Variants in CARNS1 observed in about 807,000 individuals in gnomAD.
CARNS1 encodes the protein ATP-grasp domain containing 1.
Under a neutral mutation model 74.0 loss-of-function variants are expected in CARNS1, and 61 were observed. The ratio of observed to expected loss-of-function variants is 0.82; its 90% confidence interval spans 0.67 to 1.02. The LOEUF is 1.02. CARNS1 is among the 50% of genes least tolerant of loss of function. The pLI is 0.00. For missense variants in CARNS1, 1,278 were observed against 1,308.4 expected, an observed-to-expected ratio of 0.98 and a Z score of 0.36; for synonymous variants, 568 against 605.5, an observed-to-expected ratio of 0.94 and a Z score of 0.91.
Position 67,418,803 on chromosome 11 carries a change from G to A in CARNS1, c.412G>A (p.Ala138Thr). Reference protein sequence around the residue: ...LSPAWLMKVPAPGQPGEAALL... With the variant: ...LSPAWLMKVPTPGQPGEAALL... ...CCCTGCTTGGCTGATGAAGGTGCCA[G>A]CACCCGGGCAGCCGGGTGAGGCAGC... The change falls in exon 5 of 10, where the codon GCA becomes ACA. Residue 138 changes from alanine (A) to threonine (T), a missense_variant. Around this residue, in one of 3 missense-constraint regions of CARNS1, gnomAD observed 1,164 missense variants for 1,156.5 expected, o/e 1.01. Coordinates refer to ENST00000687366, the MANE Select transcript of CARNS1 (RefSeq NM_001166222.2). 6.2e-7 allele frequency: 1 copy of A among 1,600,184 alleles called. No homozygotes were observed. Among genetic ancestry groups the A allele is most frequent in the East Asian group, 2.3e-5 (1 of 44,136 alleles).
rs894929234 is a variant in CARNS1 at position 67,423,267 on chromosome 11, G to C, written c.1627-108G>C. 3 of 1,074,110 alleles carry C rather than the reference G, an allele frequency of 2.8e-6. No individual in the cohort carries two copies. Among genetic ancestry groups the C allele is most frequent in the African/African-American group, 3.2e-5 (2 of 62,984 alleles). 66.5% of individuals were successfully genotyped at this position (1,074,110 alleles called of 1,614,324 possible). On this transcript the variant is annotated intron_variant, in intron 9 of 9. Coordinates refer to ENST00000687366, the MANE Select transcript of CARNS1 (RefSeq NM_001166222.2). This position sits in a 1 kb window ranked among gnomAD's most constrained non-coding sequence, Gnocchi z 5.1. ...ACAACACACATTTATTGAGCACCTA[G>C]TGTTTGTGTACTCGTATCCCCTGAA...
Position 67,425,486 on chromosome 11 carries a change from AG to A in CARNS1, c.*886del. ...CACCTAACTAGCATTGGCAGAGGAG[AG>A]TCTACACTCTCTTCCTCATTCAGGG... On this transcript the variant is annotated 3_prime_UTR_variant, in exon 10 of 10. Transcript: ENST00000687366. The A allele has an allele frequency of 3.8e-5, 7 of 186,230 alleles. No homozygotes were observed. The highest frequency in any genetic ancestry group is 6.8e-5 in the Non-Finnish European group (6 of 87,820). The allele number at this position is 186,230 out of a possible 1,614,324, so 11.5% of individuals were successfully genotyped here. A position where few individuals can be genotyped will look rare whatever the true frequency, so the allele number is the denominator to read the frequency against.
Position 67,424,359 on chromosome 11 carries a change from C to T in CARNS1, c.2611C>T (p.Gln871Ter). The T allele has an allele frequency of 3.7e-6, 6 of 1,603,160 alleles. No homozygotes were observed. The highest frequency in any genetic ancestry group is 5.1e-6 in the Non-Finnish European group (6 of 1,175,210). Residue 871 changes from glutamine to a stop codon, truncating the protein, a stop_gained, in exon 10 of 10, where the codon CAG (glutamine) becomes TAG (stop). Transcript: ENST00000687366. LOFTEE classifies it high-confidence loss of function. ...CATGTGCCTTGTGTCCCAGCACCTG[C>T]AGGCCCTGAGTTCCACCGCCAGCCG... ...GVMCLVSQHLQALSSTASRET... is the reference protein window; with the variant it reads ...GVMCLVSQHL
rs780813832 is a variant in CARNS1 at position 67,419,103 on chromosome 11, C to T, written c.712C>T (p.Pro238Ser). 1.1e-5 allele frequency: 17 copies of T among 1,569,778 alleles called. No homozygotes were observed. In the Admixed American group the frequency reaches 3.0e-4, roughly 27 times the overall value. ...AGCAACCCTGGCTTTCACCTACAAG[C>T]CGCCGGGGCTGCTGCGGGGAGGGGA... ...VPATLAFTYKPPGLLRGGDAS... is the reference protein window; with the variant it reads ...VPATLAFTYKSPGLLRGGDAS... The change falls in exon 5 of 10, where the codon CCG (proline) becomes TCG (serine). Residue 238 changes from proline (P) to serine (S), a missense_variant. Coordinates refer to ENST00000687366, the MANE Select transcript of CARNS1 (RefSeq NM_001166222.2).
chr11:67,419,438 C>T (rs1863635027), intron 5 of CARNS1, 49 bp from the exon 6 acceptor site: 1 of 1,590,706 alleles, frequency 6.3e-7, no homozygotes, highest in Non-Finnish European at 8.6e-7. Flanking sequence ...CCCCACCCTG[C>T]AGTACCTGGG....
At chr11:67,418,375 G>A in intron 3 of CARNS1, 56 bp from the exon 4 acceptor site, 1 of 1,297,280 alleles carries the variant, frequency 7.7e-7, no homozygotes, top group Non-Finnish European at 1.0e-6. Context: ...GTGGAAGGTG[G>A]GCAGAGAGAC....
chr11:67,421,289 G>A, intron 9 of CARNS1, 70 bp downstream of exon 9: 1 of 1,356,160 alleles, frequency 7.4e-7, no homozygotes. Flanking sequence ...ACCCCGGGGC[G>A]GGGCCTGGAG....
chr11:67,424,469 G>A lies in CARNS1; in HGVS notation c.2721G>A (p.Glu907=), dbSNP rs751183486. Residue 907 remains glutamate (E), a synonymous_variant, in exon 10 of 10, where the codon GAG becomes GAA. Coordinates refer to ENST00000687366, the MANE Select transcript of CARNS1 (RefSeq NM_001166222.2). ...EEALVPGEYE[E]PYCSVACAGP... is the part of the protein sequence containing the mutation. ...CCCTGGTGCCTGGCGAGTATGAGGAGCCCTACTGCAGTGTGGCCTGTGCCG... is the reference window on the plus strand; with the variant it reads ...CCCTGGTGCCTGGCGAGTATGAGGAACCCTACTGCAGTGTGGCCTGTGCCG... 12 of 1,588,730 alleles carry A rather than the reference G, an allele frequency of 7.6e-6. No homozygotes were observed. Among genetic ancestry groups the A allele is most frequent in the Middle Eastern group, 4.4e-4 (2 of 4,564 alleles).
intron 9 of CARNS1, among the ~76,000 whole-genome samples, chr11:67,421,809 C>T (rs977164199): frequency 6.6e-6 from 1 of 152,144 alleles, no homozygotes; most frequent in African/African-American, 2.4e-5. Flanking sequence ...CTCACTGCAG[C>T]CTCGACTTCC....
chr11:67,416,489 G>A, intron 2 of CARNS1: 1 of 1,303,896 alleles, frequency 7.7e-7, no homozygotes, highest in Non-Finnish European at 9.8e-7. Context: ...GCCCAGGCAT[G>A]AGGCCCAGTC....
At chr11:67,420,534 T>C in intron 7 of CARNS1, 75 bp from the exon 8 acceptor site, 1 of 976,116 alleles carries the variant, frequency 1.0e-6, no homozygotes, top group African/African-American at 1.7e-5. Context: ...GGTCTGAATT[T>C]TGGCACAAGG....
intron 7 of CARNS1, 85 bp from the exon 8 acceptor site, chr11:67,420,524 G>A (rs1400433495): frequency 1.2e-6 from 1 of 824,588 alleles, no homozygotes; most frequent in Non-Finnish European, 1.6e-6. Flanking sequence ...TGAGGGGTCT[G>A]GTCTGAATTT....
At chr11:67,416,573 C>G (rs1189082943) in intron 2 of CARNS1, 2 of 1,079,212 alleles carry the variant, frequency 1.9e-6, no homozygotes, top group Non-Finnish European at 2.3e-6. Flanking sequence ...TCATCAGCCC[C>G]CAGGGGATGG....
In CARNS1 at chr11:67,424,861, C is replaced by CCACACACACA. The variant is rs59798232; in HGVS notation, c.*282_*291dup. On this transcript the variant is annotated 3_prime_UTR_variant, in exon 10 of 10. Coordinates refer to ENST00000687366, the MANE Select transcript of CARNS1 (RefSeq NM_001166222.2). ...TCTAGCCTTGGAGAAATGACAATGGCCACACACACACACACACACACACAC... is the reference window on the plus strand; with the variant it reads ...TCTAGCCTTGGAGAAATGACAATGGCCACACACACACACACACACACACACACACACACAC... 3,997 of 507,590 alleles carry CCACACACACA rather than the reference C, an allele frequency of 7.9e-3. 53 individuals are homozygous for CCACACACACA. The highest frequency in any genetic ancestry group is 0.033 in the African/African-American group (1,594 of 47,616). The allele number at this position is 507,590 out of a possible 1,614,324, so 31.4% of individuals were successfully genotyped here. A position where few individuals can be genotyped will look rare whatever the true frequency, so the allele number is the denominator to read the frequency against.
In CARNS1 at chr11:67,420,165, C is replaced by A. The variant is rs1863659163; in HGVS notation, c.1113+327C>A. Among the ~76,000 whole-genome samples the A allele has an allele frequency of 2.6e-5, 4 of 152,184 alleles. No homozygotes were observed. The South Asian group carries it at 8.3e-4, about 31-fold the overall frequency. ...AGGGCCTCCTGATAAACCTCTAGTG[C>A]CTGGACGCCTTCAGGAGGGGCCTCT... On this transcript the variant is annotated intron_variant, in intron 7 of 9. Transcript: ENST00000687366.
Position 67,420,977 on chromosome 11 carries a change from AC to A in CARNS1, c.1388del (p.Pro463GlnfsTer6), listed in dbSNP as rs1396783989. 2 of 1,428,418 alleles carry A rather than the reference AC, an allele frequency of 1.4e-6. No homozygotes were observed. Among genetic ancestry groups the A allele is most frequent in the Non-Finnish European group, 9.1e-7 (1 of 1,093,964 alleles). The allele number at this position is 1,428,418 out of a possible 1,614,324, so 88.5% of individuals were successfully genotyped here. ...FALTAAGGVL[T>X]PVALELNGGL... ...GCTGACAGCGGCCGGCGGCGTGCTG[AC>A]CCCAGTGGCCCTGGAGCTGAACGGC... is the stretch of plus-strand genomic sequence containing the variant. On this transcript the variant is annotated frameshift_variant, in exon 9 of 10. Transcript: ENST00000687366. LOFTEE classifies it high-confidence loss of function.
Position 67,425,366 on chromosome 11 carries a change from G to C in CARNS1, c.*765G>C. On this transcript the variant is annotated 3_prime_UTR_variant, in exon 10 of 10. Coordinates refer to ENST00000687366, the MANE Select transcript of CARNS1 (RefSeq NM_001166222.2). ...GCTTCTAGGCCCCCCTCACCTCCCT[G>C]CCCTCATTCACAAGTGGCCCTGAGA... The C allele has an allele frequency of 3.3e-6, 1 of 300,564 alleles. No homozygotes were observed. The highest frequency in any genetic ancestry group is 8.0e-5 in the East Asian group (1 of 12,454). The allele number at this position is 300,564 out of a possible 1,614,324, so 18.6% of individuals were successfully genotyped here.
chr11:67,417,329 G>A, intron 2 of CARNS1, 78 bp from the exon 3 acceptor site: 1 of 1,273,394 alleles, frequency 7.9e-7, no homozygotes, highest in Non-Finnish European at 9.9e-7. Context: ...CTGGGAGAGT[G>A]GGGGGCTTAC....
At chr11:67,416,700 G>A (rs1565133729) in intron 2 of CARNS1, 5 of 987,052 alleles carry the variant, frequency 5.1e-6, no homozygotes, top group Non-Finnish European at 6.0e-6. Flanking sequence ...CCTGGGGACT[G>A]CAAAGAACAA....
Sources: allele counts gnomAD v4.1 joint callset (sites outside exome capture counted in the v4.1 genomes callset), GRCh38; gene constraint gnomAD v4.1.1; regional missense constraint gnomAD v4.1.1; non-coding constraint Gnocchi (gnomAD v3.1); transcripts MANE v1.5; gene names NCBI Gene and HGNC (gene_info 2026-07-23, HGNC 2026-07-21).